Variants in PHF20 observed in about 807,000 individuals in gnomAD.
PHF20 encodes the protein glioma-expressed antigen 2.
In PHF20, 23 loss-of-function variants were observed where a neutral mutation model predicts 113.5. The observed-to-expected ratio is 0.20, with a 90% CI of 0.15 to 0.29. PHF20 has a LOEUF of 0.29. PHF20 is among the 10% of genes least tolerant of loss of function. The pLI, the probability that PHF20 is intolerant of heterozygous loss-of-function variation, is 1.00. For missense variants in PHF20, 943 were observed against 1,219.6 expected, an observed-to-expected ratio of 0.77 and a Z score of 3.38; for synonymous variants, 434 against 457.3, an observed-to-expected ratio of 0.95 and a Z score of 0.65.
At position 35,804,206 on chromosome 20, in the gene PHF20, C is replaced by T. The variant is rs146954802; in HGVS notation, c.83+2601C>T. Among the ~76,000 whole-genome samples, 4 of 150,896 alleles carry T rather than the reference C, an allele frequency of 2.7e-5. No homozygotes were observed. In the East Asian group the frequency reaches 7.8e-4, roughly 29 times the overall value. ...TCAGCCTCAGCTGGGATTACAGGTG[C>T]CCACCTTGCCAAGCTACTGTATGTT... On this transcript the variant is annotated intron_variant, in intron 2 of 17. Transcript: ENST00000374012.
intron 1 of PHF20, among the ~76,000 whole-genome samples, chr20:35,788,076 C>T (rs2041460080): frequency 6.6e-6 from 1 of 151,854 alleles, no homozygotes; most frequent in African/African-American, 2.4e-5. Context: ...CCTAGCGCAG[C>T]TCTATATTTT....
chr20:35,831,961 C>T (rs1005567548), intron 2 of PHF20, among the ~76,000 whole-genome samples: 2 of 152,146 alleles, frequency 1.3e-5, no homozygotes, highest in South Asian at 2.1e-4. Context: ...CGCAGTGGTC[C>T]GTGGACTGCT....
chr20:35,779,304 G>A (rs2041237885), intron 1 of PHF20, among the ~76,000 whole-genome samples: 1 of 151,998 alleles, frequency 6.6e-6, no homozygotes, highest in Non-Finnish European at 1.5e-5. Flanking sequence ...CAAAGTGCTA[G>A]GTTTACAGGT....
chr20:35,858,371 C>G lies in PHF20; in HGVS notation c.410C>G (p.Ser137Cys). ...TVKHIHVKAFSKDQNIVGNAR... is the reference protein window; with the variant it reads ...TVKHIHVKAFCKDQNIVGNAR... ...AAACATATTCATGTCAAAGCTTTTT[C>G]CAAAGATCAGGTGAGAAATGTGGTT... is the stretch of plus-strand genomic sequence containing the variant. Residue 137 changes from serine to cysteine, a missense_variant, in exon 5 of 18, where the codon TCC becomes TGC. Transcript: ENST00000374012. 1 of 1,577,270 alleles carries G rather than the reference C, an allele frequency of 6.3e-7. No homozygotes were observed. The highest frequency in any genetic ancestry group is 8.7e-7 in the Non-Finnish European group (1 of 1,150,552).
At chr20:35,830,595 T>A (rs1286739314) in intron 2 of PHF20, among the ~76,000 whole-genome samples, 2 of 152,202 alleles carry the variant, frequency 1.3e-5, no homozygotes, top group African/African-American at 4.8e-5. Context: ...TCTGTTTGAG[T>A]CCTTGTGTTC....
At chr20:35,937,302 C>G (rs2055883166) in intron 15 of PHF20, among the ~76,000 whole-genome samples, 2 of 151,966 alleles carry the variant, frequency 1.3e-5, no homozygotes, top group South Asian at 2.1e-4. Flanking sequence ...AACTCCATCT[C>G]TACTAAAAAT....
intron 17 of PHF20, among the ~76,000 whole-genome samples, chr20:35,947,000 G>A (rs2056097529): frequency 6.6e-6 from 1 of 152,198 alleles, no homozygotes; most frequent in South Asian, 2.1e-4. Flanking sequence ...GTGCCACCGC[G>A]CCCGGCTGGG....
At chr20:35,811,717 G>A (rs1436612355) in intron 2 of PHF20, among the ~76,000 whole-genome samples, 2 of 152,010 alleles carry the variant, frequency 1.3e-5, no homozygotes, top group East Asian at 1.9e-4. Flanking sequence ...TGGGATTATA[G>A]GCATGTGCCA....
At chr20:35,810,441 T>C (rs976700887) in intron 2 of PHF20, among the ~76,000 whole-genome samples, 1 of 152,134 alleles carries the variant, frequency 6.6e-6, no homozygotes, top group Non-Finnish European at 1.5e-5. Context: ...TTTTGTTATA[T>C]GCACAAACCA....
chr20:35,911,202 G>T (rs922324116), intron 10 of PHF20, among the ~76,000 whole-genome samples: 1 of 151,932 alleles, frequency 6.6e-6, no homozygotes, highest in Non-Finnish European at 1.5e-5. Context: ...TACCACGCCC[G>T]GCTAATTTTT....
chr20:35,893,452 C>T (rs376434555), intron 9 of PHF20, among the ~76,000 whole-genome samples: 8 of 151,130 alleles, frequency 5.3e-5, no homozygotes, highest in African/African-American at 1.7e-4. Context: ...TACAGGCACA[C>T]GCCACCACAG....
intron 1 of PHF20, among the ~76,000 whole-genome samples, chr20:35,791,406 T>C (rs1407227323): frequency 6.6e-6 from 1 of 150,992 alleles, no homozygotes; most frequent in Admixed American, 6.7e-5. Context: ...TGGGCTGATA[T>C]AGTTTTTATA....
At chr20:35,778,291 G>T (rs1246486548) in intron 1 of PHF20, among the ~76,000 whole-genome samples, 1 of 152,082 alleles carries the variant, frequency 6.6e-6, no homozygotes, top group African/African-American at 2.4e-5. Flanking sequence ...CACTATGTTG[G>T]TTAAGCTGGG....
At chr20:35,837,755 T>G (rs907206594) in intron 2 of PHF20, among the ~76,000 whole-genome samples, 3 of 152,222 alleles carry the variant, frequency 2.0e-5, no homozygotes, top group Admixed American at 6.5e-5. Flanking sequence ...GCTGGTCAGA[T>G]CAAAAGCACT....
In PHF20 at chr20:35,947,893, T is replaced by C; in HGVS notation, c.*266T>C. On this transcript the variant is annotated 3_prime_UTR_variant, in exon 18 of 18. Coordinates refer to ENST00000374012, the MANE Select transcript of PHF20 (RefSeq NM_016436.5). ...CACATCGTTGAATGAAGAGAGTCTT[T>C]TTGCACAAACTTCACTTGAAATTGT... 3.0e-6 allele frequency: 1 copy of C among 333,852 alleles called. No homozygotes were observed. Among genetic ancestry groups the C allele is most frequent in the Non-Finnish European group, 5.5e-6 (1 of 181,528 alleles). 20.7% of individuals were successfully genotyped at this position (333,852 alleles called of 1,614,324 possible).
chr20:35,905,197 A>G (rs1166500232), intron 10 of PHF20, among the ~76,000 whole-genome samples: 1 of 152,116 alleles, frequency 6.6e-6, no homozygotes, highest in Non-Finnish European at 1.5e-5. Flanking sequence ...GTGGGGAGAA[A>G]AGCTCATAAA....
At chr20:35,808,637 A>C (rs1224703160) in intron 2 of PHF20, among the ~76,000 whole-genome samples, 1 of 151,856 alleles carries the variant, frequency 6.6e-6, no homozygotes, top group East Asian at 1.9e-4. Flanking sequence ...GCAGTGGTGC[A>C]TCTTGGCTCA....
Position 35,834,986 on chromosome 20 carries a change from G to A in PHF20, c.84-7587G>A, listed in dbSNP as rs533139096. Among the ~76,000 whole-genome samples, 4 of 152,216 alleles carry A rather than the reference G, an allele frequency of 2.6e-5. No individual in the cohort carries two copies. In the South Asian group the frequency reaches 8.3e-4, roughly 32 times the overall value. ...AGTTTAGGAAAAATTGACTCAAGAA[G>A]AGGTAGGAGGCCGGGTGTGGTGGCT... On this transcript the variant is annotated intron_variant, in intron 2 of 17. Coordinates refer to ENST00000374012, the MANE Select transcript of PHF20 (RefSeq NM_016436.5).
In PHF20 at chr20:35,912,268, G is replaced by A. The variant is rs540287265; in HGVS notation, c.1562-981G>A. 2.6e-5 allele frequency among the ~76,000 whole-genome samples: 4 copies of A among 152,156 alleles called. No homozygotes were observed. In the South Asian group the frequency reaches 6.2e-4, roughly 24 times the overall value. On this transcript the variant is annotated intron_variant, in intron 10 of 17. Coordinates refer to ENST00000374012, the MANE Select transcript of PHF20 (RefSeq NM_016436.5). ...GCTGGGATTACAGGCGTGAGCCACC[G>A]CACCCAGCAATGACTGGATTTTTCA...
Sources: allele counts gnomAD v4.1 joint callset (sites outside exome capture counted in the v4.1 genomes callset), GRCh38; gene constraint gnomAD v4.1.1; transcripts MANE v1.5; gene names NCBI Gene and HGNC (gene_info 2026-07-23, HGNC 2026-07-21).